The following ORC3 variants were observed in gnomAD, a reference collection of about 807,000 sequenced individuals.
The protein encoded by ORC3 is homolog of latheo, Drosophila.
In ORC3, 78 loss-of-function variants were observed where a neutral mutation model predicts 100.7. That is an observed-to-expected ratio of 0.77 (90% CI 0.65 to 0.94). ORC3 has a LOEUF of 0.94. Ranked by LOEUF, ORC3 falls within the 40% of genes least tolerant of loss-of-function variation. The probability of loss-of-function intolerance (pLI) is 0.00; values close to 1 mark genes in which losing one functional copy is unlikely to be tolerated. For missense variants in ORC3, 789 were observed against 823.9 expected (o/e 0.96, Z 0.52); for synonymous variants, 295 against 289.3 (o/e 1.02, Z -0.20).
In ORC3 at chr6:87,667,160, C is replaced by A; in HGVS notation, c.*37C>A. The stretch of plus-strand genomic sequence containing the variant: ...GCAAAGCCAGAACTATCACATTTAG[C>A]TTAAGAGAAAAAGGTGACCAGTCAT... On this transcript the variant is annotated 3_prime_UTR_variant, in exon 20 of 20. Coordinates refer to ENST00000392844, the MANE Select transcript of ORC3 (RefSeq NM_012381.4). The A allele has an allele frequency of 7.9e-7, 1 of 1,273,296 alleles. No homozygotes were observed. Among genetic ancestry groups the A allele is most frequent in the Non-Finnish European group, 1.1e-6 (1 of 890,224 alleles). 78.9% of individuals were successfully genotyped at this position (1,273,296 alleles called of 1,614,324 possible).
At chr6:87,666,435 C>CT (rs398002192) in intron 19 of ORC3, among the ~76,000 whole-genome samples, 10,713 of 97,610 alleles carry the variant, frequency 0.11, 732 homozygotes, top group African/African-American at 0.17. Flanking sequence ...CGGCCTAATT[C>CT]TTTTTTTTTT....
chr6:87,628,250 T>C (rs1780066924), intron 11 of ORC3, among the ~76,000 whole-genome samples: 1 of 152,192 alleles, frequency 6.6e-6, no homozygotes. Flanking sequence ...GATGGGTTGA[T>C]AGGTGCAGCA....
Position 87,594,354 on chromosome 6 carries a change from G to T in ORC3, c.26G>T (p.Gly9Val). MATSSMSK[G>V]CFVFKPNSKK... is the part of the protein sequence containing the mutation. ...TGCTTTTCGTCTTTCTTTTTATAGG[G>T]TTGCTTTGTTTTTAAGCCAAACTCC... is the stretch of plus-strand genomic sequence containing the variant. Residue 9 changes from glycine to valine, a missense_variant and splice_region_variant, in exon 2 of 20, where the codon GGT (glycine) becomes GTT (valine). Gly to Val is a moderately radical substitution (Grantham distance 109). Around this residue, in one of 3 missense-constraint regions of ORC3, gnomAD observed 399 missense variants for 382.0 expected, o/e 1.04. Transcript: ENST00000392844. 1 of 1,579,088 alleles carries T rather than the reference G, an allele frequency of 6.3e-7. No homozygotes were observed. The highest frequency in any genetic ancestry group is 8.7e-7 in the Non-Finnish European group (1 of 1,155,704).
At chr6:87,612,017 A>G in intron 7 of ORC3, 72 bp from the exon 8 acceptor site, 2 of 1,374,622 alleles carry the variant, frequency 1.5e-6, no homozygotes, top group Non-Finnish European at 2.0e-6. Context: ...AGTTTGTCTT[A>G]TGTTGAAATA....
At position 87,594,407 on chromosome 6, in the gene ORC3, G is replaced by A. The variant is rs775433933; in HGVS notation, c.79G>A (p.Glu27Lys). ...SKKRKISLPI[E>K]DYFNKGKNEP... is the part of the protein sequence containing the mutation. ...AAAGAGAAAGATCTCTCTGCCAATA[G>A]GTAAGGTGTCTGAATATTAAATTTT... The change falls in exon 2 of 20, where the codon GAG becomes AAG. Residue 27 changes from glutamate to lysine, a missense_variant and splice_region_variant. Physicochemically the swap from Glu to Lys is moderately conservative, Grantham distance 56. Around this residue, in one of 3 missense-constraint regions of ORC3, gnomAD observed 399 missense variants for 382.0 expected, o/e 1.04. Coordinates refer to ENST00000392844, the MANE Select transcript of ORC3 (RefSeq NM_012381.4). The A allele has an allele frequency of 3.2e-5, 50 of 1,577,006 alleles. No individual in the cohort carries two copies. The highest frequency in any genetic ancestry group is 3.9e-5 in the Non-Finnish European group (45 of 1,154,580).
intron 16 of ORC3, among the ~76,000 whole-genome samples, chr6:87,659,157 G>C (rs968857217): frequency 6.8e-6 from 1 of 148,058 alleles, no homozygotes; most frequent in African/African-American, 2.5e-5. Flanking sequence ...TCCGCCTCCC[G>C]GGTTCAAGGG....
Position 87,665,757 on chromosome 6 carries a change from T to C in ORC3, c.1954T>C (p.Phe652Leu), listed in dbSNP as rs762489164. ...TTCTGTCTTGTCTATTCAAAAGGCT[T>C]TTGCAACAGTTGTGACAGCTGCTGA... ...LINLVDWSEA[F>L]ATVVTAAEKM... The change falls in exon 19 of 20, where the codon TTT (phenylalanine) becomes CTT (leucine). Residue 652 changes from phenylalanine (F) to leucine (L), a missense_variant. Transcript: ENST00000392844. The C allele has an allele frequency of 6.2e-7, 1 of 1,607,556 alleles. No homozygotes were observed. Among genetic ancestry groups the C allele is most frequent in the Non-Finnish European group, 8.5e-7 (1 of 1,174,482 alleles).
the ORC3 span, chr6:87,675,573 G>A: frequency 6.2e-7 from 1 of 1,613,918 alleles, no homozygotes; most frequent in South Asian, 1.1e-5. Context: ...GAACAAGGCA[G>A]CCCACAAATG....
chr6:87,646,594 C>T (rs910090591), intron 13 of ORC3, among the ~76,000 whole-genome samples: 2 of 152,198 alleles, frequency 1.3e-5, no homozygotes, highest in Admixed American at 6.5e-5. Context: ...TCACCAGTGA[C>T]CTCCATGTTC....
At chr6:87,646,743 C>G (rs749414496) in intron 13 of ORC3, among the ~76,000 whole-genome samples, 1 of 152,222 alleles carries the variant, frequency 6.6e-6, no homozygotes, top group Admixed American at 6.5e-5. Context: ...TTTCTCTTCT[C>G]TCTGACATCT....
At chr6:87,656,408 C>T (rs1304473341) in intron 14 of ORC3, among the ~76,000 whole-genome samples, 11 of 152,072 alleles carry the variant, frequency 7.2e-5, no homozygotes, top group Admixed American at 6.5e-5. Context: ...GCCAACGTGG[C>T]GAAACCCCTT....
chr6:87,622,076 G>T, intron 11 of ORC3, 63 bp downstream of exon 11: 1 of 1,062,784 alleles, frequency 9.4e-7, no homozygotes, highest in African/African-American at 1.6e-5. Context: ...GAATATGCAT[G>T]TAACATTTAT....
chr6:87,661,589 G>A (rs1174014984), intron 16 of ORC3, among the ~76,000 whole-genome samples: 1 of 152,112 alleles, frequency 6.6e-6, no homozygotes, highest in Non-Finnish European at 1.5e-5. Context: ...CTAGGGAGTG[G>A]TATCCTCTCC....
intron 11 of ORC3, 150 bp downstream of exon 11, chr6:87,622,163 TGA>T: frequency 1.9e-6 from 1 of 528,584 alleles, no homozygotes; most frequent in Non-Finnish European, 3.3e-6. Context: ...CCTAGGAATG[TGA>T]GTTTTAAAGA....
intron 13 of ORC3, among the ~76,000 whole-genome samples, chr6:87,637,923 G>A (rs1208863185): frequency 6.6e-6 from 1 of 152,176 alleles, no homozygotes; most frequent in Non-Finnish European, 1.5e-5. Flanking sequence ...CTTTATGGTA[G>A]ATATTATTAG....
chr6:87,601,775 T>A lies in ORC3; in HGVS notation c.80-9T>A. The A allele has an allele frequency of 6.7e-7, 1 of 1,501,384 alleles. No homozygotes were observed. Among genetic ancestry groups the A allele is most frequent in the South Asian group, 1.1e-5 (1 of 88,118 alleles). 93.0% of individuals were successfully genotyped at this position (1,501,384 alleles called of 1,614,324 possible). The stretch of plus-strand genomic sequence containing the variant: ...AAAAAGAAACTGACTTATTTCTTTC[T>A]GTTTTTAGAGGACTATTTTAACAAA... On this transcript the variant is annotated splice_polypyrimidine_tract_variant and intron_variant, in intron 2 of 19. Transcript: ENST00000392844.
chr6:87,600,957 G>A (rs922832238), intron 2 of ORC3, among the ~76,000 whole-genome samples: 7 of 152,190 alleles, frequency 4.6e-5, no homozygotes, highest in Non-Finnish European at 1.0e-4. Context: ...GAAAGCCAGT[G>A]CAATAAATGG....
intron 11 of ORC3, among the ~76,000 whole-genome samples, chr6:87,628,304 C>G (rs1780071617): frequency 6.6e-6 from 1 of 152,210 alleles, no homozygotes; most frequent in East Asian, 1.9e-4. Context: ...ACCTGCACGT[C>G]CTGCACATGT....
At chr6:87,677,739 A>G in the ORC3 span, 2 of 1,491,494 alleles carry the variant, frequency 1.3e-6, no homozygotes, top group Non-Finnish European at 1.8e-6. Context: ...AGTGTATAGA[A>G]AGTGAAATTA....
Sources: gnomAD v4.1 joint callset for allele counts (sites outside exome capture counted in the v4.1 genomes callset) on GRCh38, gnomAD v4.1.1 for gene constraint, gnomAD v4.1.1 regional missense constraint, MANE v1.5 for transcripts, NCBI Gene and HGNC (gene_info 2026-07-23, HGNC 2026-07-21) for gene names.